Variants in HCN1 observed in about 807,000 individuals in gnomAD.
HCN1 encodes the protein hyperpolarization activated cyclic nucleotide gated potassium channel 1.
In HCN1, 13 loss-of-function variants were observed where a neutral mutation model predicts 78.9. The ratio of observed to expected loss-of-function variants is 0.16; its 90% confidence interval spans 0.11 to 0.26. HCN1 has a LOEUF of 0.26. HCN1 is among the 10% of genes least tolerant of loss of function. HCN1 has a pLI of 1.00. For synonymous variants in HCN1, 552 were observed against 455.5 expected (o/e 1.21, Z -2.70); for missense variants, 810 against 1,154.3 (o/e 0.70, Z 4.32).
intron 2 of HCN1, among the ~76,000 whole-genome samples, chr5:45,476,195 A>G (rs1741510462): frequency 6.6e-6 from 1 of 152,112 alleles, no homozygotes; most frequent in South Asian, 2.1e-4. Flanking sequence ...CTGTCGTGTG[A>G]GGATGCAGCA....
chr5:45,479,601 A>G (rs1356490502), intron 2 of HCN1, among the ~76,000 whole-genome samples: 1 of 152,204 alleles, frequency 6.6e-6, no homozygotes, highest in Non-Finnish European at 1.5e-5. Flanking sequence ...TGCAGAAGAC[A>G]AAGAGAAGGA....
intron 2 of HCN1, among the ~76,000 whole-genome samples, chr5:45,477,431 A>G (rs2111665892): frequency 6.6e-6 from 1 of 152,288 alleles, no homozygotes; most frequent in African/African-American, 2.4e-5. Flanking sequence ...CAGTATGAGC[A>G]CTTTTAAAGT....
At chr5:45,349,281 C>T (rs911461877) in intron 5 of HCN1, among the ~76,000 whole-genome samples, 1 of 152,036 alleles carries the variant, frequency 6.6e-6, no homozygotes, top group Non-Finnish European at 1.5e-5. Flanking sequence ...CTACTGGGTA[C>T]ATAACGAAAT....
At chr5:45,295,904 G>A (rs886148193) in intron 6 of HCN1, among the ~76,000 whole-genome samples, 39 of 151,944 alleles carry the variant, frequency 2.6e-4, no homozygotes, top group Admixed American at 2.3e-3. Context: ...TGTATAATAT[G>A]TATAGCTTAT....
intron 5 of HCN1, among the ~76,000 whole-genome samples, chr5:45,322,892 A>G (rs565781347): frequency 1.3e-5 from 2 of 151,848 alleles, no homozygotes; most frequent in Admixed American, 6.6e-5. Context: ...ACCTACTACT[A>G]CTAAGAGGTA....
At position 45,262,038 on chromosome 5, in the gene HCN1, C is replaced by G; in HGVS notation, c.2556G>C (p.Pro852=). 6.2e-7 allele frequency: 1 copy of G among 1,613,720 alleles called. No individual in the cohort carries two copies. The highest frequency in any genetic ancestry group is 8.5e-7 in the Non-Finnish European group (1 of 1,179,994). ...FRQMSSGAIP[P]NRGVPPAPPP... ...GGGGTGCTGGAGGGACTCCTCGGTT[C>G]GGGGGGATGGCTCCCGACGACATCT... The change falls in exon 8 of 8, where the codon CCG becomes CCC. Residue 852 remains proline, a synonymous_variant. Coordinates refer to ENST00000303230, the MANE Select transcript of HCN1 (RefSeq NM_021072.4).
chr5:45,353,725 G>T (rs1366736894), intron 4 of HCN1, among the ~76,000 whole-genome samples: 1 of 151,906 alleles, frequency 6.6e-6, no homozygotes, highest in Admixed American at 6.6e-5. Flanking sequence ...CAGGGAGCTT[G>T]GCAGGTATTT....
chr5:45,696,226 G>A lies in HCN1; in HGVS notation c.-133C>T. 4.1e-6 allele frequency: 1 copy of A among 241,830 alleles called. No homozygotes were observed. Among genetic ancestry groups the A allele is most frequent in the Non-Finnish European group, 6.7e-6 (1 of 148,638 alleles). 15.0% of individuals were successfully genotyped at this position (241,830 alleles called of 1,614,324 possible). ...CCAGCTGCCCGTCGCGGCGGCGGCG[G>A]CGGCGGCGGCGGCTGCTGCTTCCCG... On this transcript the variant is annotated 5_prime_UTR_variant, in exon 1 of 8. Coordinates refer to ENST00000303230, the MANE Select transcript of HCN1 (RefSeq NM_021072.4).
intron 1 of HCN1, among the ~76,000 whole-genome samples, chr5:45,668,067 C>T (rs558163691): frequency 7.9e-5 from 12 of 152,078 alleles, no homozygotes; most frequent in African/African-American, 2.9e-4. Flanking sequence ...TAATGTCATG[C>T]ATCAGATTTA....
chr5:45,544,533 G>A (rs1344207558), intron 2 of HCN1, among the ~76,000 whole-genome samples: 2 of 151,726 alleles, frequency 1.3e-5, no homozygotes, highest in East Asian at 1.9e-4. Context: ...CCATGTTGGT[G>A]TGCTGCACCC....
At position 45,366,188 on chromosome 5, in the gene HCN1, G is replaced by A. The variant is rs138442273; in HGVS notation, c.1231-12942C>T. Among the ~76,000 whole-genome samples, 13 of 151,094 alleles carry A rather than the reference G, an allele frequency of 8.6e-5. No individual in the cohort carries two copies. The East Asian group carries it at 1.9e-3, about 22-fold the overall frequency. Reference sequence around the variant, plus strand: ...TTTGTGTGTGTGTGTGTGTGTGTGTGTGTATGTGTGTACATTCTCTTCTTT... The same window carrying A: ...TTTGTGTGTGTGTGTGTGTGTGTGTATGTATGTGTGTACATTCTCTTCTTT... On this transcript the variant is annotated intron_variant, in intron 4 of 7. Transcript: ENST00000303230.
In HCN1 at chr5:45,657,922, T is replaced by C. The variant is rs201571575; in HGVS notation, c.426-12314A>G. Among the ~76,000 whole-genome samples the C allele has an allele frequency of 3.2e-4, 48 of 152,280 alleles. No homozygotes were observed. The East Asian group carries it at 7.7e-3, about 25-fold the overall frequency. ...GTTCATATGGAACCAAAAAAGAGCC[T>C]GCATCGCCAAGTCAATCCTAAGCCA... On this transcript the variant is annotated intron_variant, in intron 1 of 7. Transcript: ENST00000303230.
At chr5:45,688,708 T>C (rs1156997978) in intron 1 of HCN1, among the ~76,000 whole-genome samples, 1 of 151,914 alleles carries the variant, frequency 6.6e-6, no homozygotes, top group Non-Finnish European at 1.5e-5. Flanking sequence ...GTATTTACAA[T>C]AACCAAAAAG....
chr5:45,305,125 A>G (rs1745700563), intron 5 of HCN1, among the ~76,000 whole-genome samples: 1 of 152,182 alleles, frequency 6.6e-6, no homozygotes, highest in Non-Finnish European at 1.5e-5. Flanking sequence ...GGTGAAAAGA[A>G]GGCAGAAGGA....
intron 1 of HCN1, among the ~76,000 whole-genome samples, chr5:45,653,154 C>A (rs1253300871): frequency 6.6e-6 from 1 of 151,866 alleles, no homozygotes; most frequent in Non-Finnish European, 1.5e-5. Flanking sequence ...CTTTGCCATC[C>A]CCCACCCCAA....
At chr5:45,440,354 TGAAA>T (rs1393136238) in intron 3 of HCN1, among the ~76,000 whole-genome samples, 1 of 152,148 alleles carries the variant, frequency 6.6e-6, no homozygotes. Flanking sequence ...ACTGACAGAA[TGAAA>T]GAGTGAATAA....
intron 7 of HCN1, among the ~76,000 whole-genome samples, chr5:45,265,973 A>G (rs1744848231): frequency 6.6e-6 from 1 of 152,136 alleles, no homozygotes; most frequent in Non-Finnish European, 1.5e-5. Flanking sequence ...GAGGGAGGTG[A>G]TATCTAAACA....
At chr5:45,664,447 T>A (rs1745991142) in intron 1 of HCN1, among the ~76,000 whole-genome samples, 1 of 134,216 alleles carries the variant, frequency 7.5e-6, no homozygotes, top group Non-Finnish European at 1.6e-5. Context: ...CCCTAAAACT[T>A]AAAGTATAAT....
At chr5:45,695,616 G>T (rs1211518500) in intron 1 of HCN1, 53 bp downstream of exon 1, 8 of 1,560,536 alleles carry the variant, frequency 5.1e-6, no homozygotes, top group South Asian at 2.3e-5. Context: ...GCGGGGAAGC[G>T]CGTTTCAGGG....
Sources: gnomAD v4.1 joint callset for allele counts (sites outside exome capture counted in the v4.1 genomes callset) on GRCh38, gnomAD v4.1.1 for gene constraint, MANE v1.5 for transcripts, NCBI Gene and HGNC (gene_info 2026-07-23, HGNC 2026-07-21) for gene names.